DNAH1: variants seen among roughly 807,000 people sequenced by gnomAD.
The protein encoded by DNAH1 is axonemal beta dynein heavy chain 1.
In DNAH1, 327 loss-of-function variants were observed where a neutral mutation model predicts 484.3. The observed-to-expected ratio is 0.68, with a 90% CI of 0.62 to 0.74. The LOEUF (loss-of-function observed/expected upper bound fraction) is 0.74, where lower values mean the gene tolerates loss of function less well. DNAH1 is among the 30% of genes least tolerant of loss of function. The probability of loss-of-function intolerance (pLI) is 0.00; values close to 1 mark genes in which losing one functional copy is unlikely to be tolerated. For synonymous variants in DNAH1, 2,192 were observed against 2,191.9 expected, an observed-to-expected ratio of 1.00 and a Z score of 0.00; for missense variants, 5,052 against 5,546.8, an observed-to-expected ratio of 0.91 and a Z score of 2.83.
chr3:52,357,811 T>C (rs1346537288), intron 23 of DNAH1, 76 bp downstream of exon 23: 1 of 1,576,810 alleles, frequency 6.3e-7, no homozygotes, highest in African/African-American at 1.3e-5. Context: ...CTGCTCAGGC[T>C]AGGGTGCGGG....
chr3:52,393,455 C>G lies in DNAH1; in HGVS notation c.10596C>G (p.Arg3532=). 6.2e-7 allele frequency: 1 copy of G among 1,614,032 alleles called. No individual in the cohort carries two copies. The highest frequency in any genetic ancestry group is 8.5e-7 in the Non-Finnish European group (1 of 1,179,906). Residue 3532 remains arginine, a synonymous_variant, in exon 66 of 78, where the codon CGC becomes CGG. Transcript: ENST00000420323. ...TGTTTGCCTTCCTGCTGTGTGTTCG[C>G]ATCATGATGAACGAGGGCAAAATCA... is the stretch of plus-strand genomic sequence containing the variant. The part of the protein sequence containing the change: ...KLMFAFLLCV[R]IMMNEGKINQ...
Position 52,353,085 on chromosome 3 carries a change from G to A in DNAH1, c.3028-18G>A. On this transcript the variant is annotated intron_variant, in intron 18 of 77. Coordinates refer to ENST00000420323, the MANE Select transcript of DNAH1 (RefSeq NM_015512.5). The surrounding 1 kb of genome is among the most constrained non-coding windows in gnomAD (Gnocchi z 5.0). ...AGTGTCCCAAGACAGCCCCAGCCCT[G>A]CCCTCCTGTCCCTGCAGTATGACAA... is the stretch of plus-strand genomic sequence containing the variant. 6.2e-7 allele frequency: 1 copy of A among 1,604,710 alleles called. No individual in the cohort carries two copies. Among genetic ancestry groups the A allele is most frequent in the East Asian group, 2.2e-5 (1 of 44,768 alleles).
rs376694884 is a variant in DNAH1 at position 52,395,315 on chromosome 3, A to G, written c.10976A>G (p.Asn3659Ser). ...CTCCCCCTGCCCTTGCAGACAGCCA[A>G]TCTGTCAGTGGTGTTCAAAGACTCC... ...EPRFIEPQTA[N>S]LSVVFKDSNS... The change falls in exon 69 of 78, where the codon AAT becomes AGT. Residue 3659 changes from asparagine to serine, a missense_variant. Asn to Ser is a conservative substitution (Grantham distance 46). This residue lies in a region of DNAH1 where 853 missense variants were observed against 899.0 expected (regional missense o/e 0.95). Coordinates refer to ENST00000420323, the MANE Select transcript of DNAH1 (RefSeq NM_015512.5). The surrounding 1 kb of genome is among the most constrained non-coding windows in gnomAD (Gnocchi z 4.4). 93 of 1,613,128 alleles carry G rather than the reference A, an allele frequency of 5.8e-5. 1 individual carries two copies. The highest frequency in any genetic ancestry group is 1.6e-4 in the East Asian group (7 of 44,882).
chr3:52,352,684 A>G lies in DNAH1; in HGVS notation c.3004A>G (p.Ile1002Val). 1 of 1,612,356 alleles carries G rather than the reference A, an allele frequency of 6.2e-7. No individual in the cohort carries two copies. Among genetic ancestry groups the G allele is most frequent in the East Asian group, 2.2e-5 (1 of 44,810 alleles). The change falls in exon 18 of 78, where the codon ATC becomes GTC. Residue 1002 changes from isoleucine (I) to valine (V), a missense_variant. By Grantham distance (29) the Ile-to-Val change is conservative. Around this residue, in one of 4 missense-constraint regions of DNAH1, gnomAD observed 2,929 missense variants for 3,409.4 expected, o/e 0.86. Coordinates refer to ENST00000420323, the MANE Select transcript of DNAH1 (RefSeq NM_015512.5). ...CATGCTCTACAACAACCGCGAGCGCATCTTCAGCTTGCCCATCACCAATGT... is the reference window on the plus strand; with the variant it reads ...CATGCTCTACAACAACCGCGAGCGCGTCTTCAGCTTGCCCATCACCAATGT... ...LAMLYNNRERIFSLPITNYDK... is the reference protein window; with the variant it reads ...LAMLYNNRERVFSLPITNYDK...
In DNAH1 at chr3:52,395,846, A is replaced by G. The variant is rs1704598854; in HGVS notation, c.11259+168A>G. ...CACATCGACATCATTAATCCTCTCA[A>G]TCCACCCCCACCCCCAGTTACCTGT... On this transcript the variant is annotated intron_variant, in intron 70 of 77. Coordinates refer to ENST00000420323, the MANE Select transcript of DNAH1 (RefSeq NM_015512.5). This position sits in a 1 kb window ranked among gnomAD's most constrained non-coding sequence, Gnocchi z 4.4. Among the ~76,000 whole-genome samples the G allele has an allele frequency of 1.3e-5, 2 of 151,506 alleles. No homozygotes were observed. The highest frequency in any genetic ancestry group is 4.2e-4 in the South Asian group (2 of 4,802).
rs143931230 is a variant in DNAH1, at chr3:52,346,585, G to A, written c.1770G>A (p.Val590=). Residue 590 remains valine, a synonymous_variant, in exon 11 of 78, where the codon GTG becomes GTA. Transcript: ENST00000420323. ...ACCTCTACGAGACCAACTGGGAGGT[G>A]TACCTCATGTCCAAGCTGCGCAAGC... ...WYNLYETNWE[V]YLMSKLRKLM... The A allele has an allele frequency of 3.7e-6, 6 of 1,614,070 alleles. No individual in the cohort carries two copies. Among genetic ancestry groups the A allele is most frequent in the Non-Finnish European group, 5.1e-6 (6 of 1,179,894 alleles).
chr3:52,337,599 CATT>C (rs1701781551), intron 8 of DNAH1, among the ~76,000 whole-genome samples: 1 of 152,164 alleles, frequency 6.6e-6, no homozygotes, highest in African/African-American at 2.4e-5. Context: ...ATATTATAAT[CATT>C]ATGTGTATTG....
intron 44 of DNAH1, chr3:52,374,810 A>G (rs932215290): frequency 9.4e-6 from 10 of 1,062,250 alleles, no homozygotes; most frequent in Non-Finnish European, 1.3e-5. Context: ...CAGAGAAACT[A>G]AAAGAGAAGC....
chr3:52,357,863 C>T, intron 23 of DNAH1, 35 bp from the exon 24 acceptor site: 1 of 1,600,118 alleles, frequency 6.2e-7, no homozygotes, highest in South Asian at 1.1e-5. Context: ...AGGGAGCCTG[C>T]ACGACCCGCT....
intron 2 of DNAH1, 114 bp downstream of exon 2, chr3:52,322,889 C>T (rs1701200689): frequency 4.2e-6 from 4 of 947,134 alleles, no homozygotes; most frequent in Non-Finnish European, 4.9e-6. Context: ...AGCTGTCTAT[C>T]GATCTATCCA....
chr3:52,335,604 C>T (rs183928795), intron 8 of DNAH1, among the ~76,000 whole-genome samples: 7 of 151,980 alleles, frequency 4.6e-5, no homozygotes, highest in East Asian at 1.9e-4. Flanking sequence ...CCACCGCACC[C>T]GGCCCTTTTG....
chr3:52,311,492 T>C (rs978519076), upstream of DNAH1, among the ~76,000 whole-genome samples: 1 of 152,038 alleles, frequency 6.6e-6, no homozygotes, highest in African/African-American at 2.4e-5. Context: ...GCAGACTCAG[T>C]TCTGAGCATG....
chr3:52,354,999 A>G lies in DNAH1; in HGVS notation c.3637A>G (p.Lys1213Glu), dbSNP rs778480138. 11 of 1,613,986 alleles carry G rather than the reference A, an allele frequency of 6.8e-6. No individual in the cohort carries two copies. Among genetic ancestry groups the G allele is most frequent in the Non-Finnish European group, 9.3e-6 (11 of 1,179,894 alleles). ...CCAGAATATGTCATTTTCACCCTAC[A>G]AGAAGCCCTTTGAGCAGCGCATCAA... ...MTQNMSFSPY[K>E]KPFEQRINSW... Residue 1213 changes from lysine (K) to glutamate (E), a missense_variant, in exon 21 of 78, where the codon AAG (lysine) becomes GAG (glutamate). Physicochemically the swap from Lys to Glu is moderately conservative, Grantham distance 56. Transcript: ENST00000420323.
At chr3:52,371,698 GA>G in intron 41 of DNAH1, among the ~76,000 whole-genome samples, 1 of 152,366 alleles carries the variant, frequency 6.6e-6, no homozygotes, top group African/African-American at 2.4e-5. Flanking sequence ...CCTGGGCAGG[GA>G]GAGCCCTCTT....
intron 60 of DNAH1, 117 bp from the exon 61 acceptor site, chr3:52,390,818 G>T (rs1704338573): frequency 1.1e-5 from 16 of 1,450,518 alleles, no homozygotes; most frequent in Non-Finnish European, 1.5e-5. Flanking sequence ...CCTCCAAGGG[G>T]ATGCAGTAAG....
rs1473391387 is a variant in DNAH1 at position 52,379,271 on chromosome 3, GGACT to G, written c.7377+494_7377+497del. ...GGGGACAGACCTGCACTTTGGAATG[GGACT>G]GAGCGGCCAGTGTGTGTGTAGCCCA... On this transcript the variant is annotated intron_variant, in intron 47 of 77. Transcript: ENST00000420323. The surrounding 1 kb of genome is among the most constrained non-coding windows in gnomAD (Gnocchi z 4.4). Among the ~76,000 whole-genome samples, 7 of 152,154 alleles carry G rather than the reference GGACT, an allele frequency of 4.6e-5. No homozygotes were observed. The highest frequency in any genetic ancestry group is 1.7e-4 in the African/African-American group (7 of 41,410).
intron 10 of DNAH1, 23 bp from the exon 11 acceptor site, chr3:52,346,449 G>A (rs1188078587): frequency 4.4e-6 from 7 of 1,592,970 alleles, no homozygotes; most frequent in South Asian, 1.1e-5. Flanking sequence ...GTGGCCATAT[G>A]ATGATGCCTG....
At chr3:52,386,939 C>T (rs1704138006) in intron 56 of DNAH1, 86 bp downstream of exon 56, 1 of 1,359,598 alleles carries the variant, frequency 7.4e-7, no homozygotes, top group Non-Finnish European at 9.9e-7. Flanking sequence ...GAGCTTGCCC[C>T]ACCACATCAT....
rs1294028877 is a variant in DNAH1, at chr3:52,363,124, T to C, written c.5224T>C (p.Ser1742Pro). The change falls in exon 32 of 78, where the codon TCT (serine) becomes CCT (proline). Residue 1742 changes from serine to proline, a missense_variant. Coordinates refer to ENST00000420323, the MANE Select transcript of DNAH1 (RefSeq NM_015512.5). ...GATCACAACCACCTTCAAGCTGTCT[T>C]CTGAGCAGCTCAGCTCCCAGGTGTG... is the stretch of plus-strand genomic sequence containing the variant. ...KKITTTFKLSSEQLSSQDHYD... is the reference protein window; with the variant it reads ...KKITTTFKLSPEQLSSQDHYD... 2.5e-6 allele frequency: 4 copies of C among 1,613,964 alleles called. No individual in the cohort carries two copies. Among genetic ancestry groups the C allele is most frequent in the Non-Finnish European group, 3.4e-6 (4 of 1,179,852 alleles).
Sources: allele counts gnomAD v4.1 joint callset (sites outside exome capture counted in the v4.1 genomes callset), GRCh38; gene constraint gnomAD v4.1.1; regional missense constraint gnomAD v4.1.1; non-coding constraint Gnocchi (gnomAD v3.1); transcripts MANE v1.5; gene names NCBI Gene and HGNC (gene_info 2026-07-23, HGNC 2026-07-21).